ELMO1: variants seen among roughly 807,000 people sequenced by gnomAD.
The protein encoded by ELMO1 is engulfment and cell motility protein 1.
A neutral mutation model predicts 98.9 loss-of-function variants in ELMO1; 26 were observed. That is an observed-to-expected ratio of 0.26 (90% confidence interval 0.19 to 0.36). ELMO1 has a LOEUF of 0.36. ELMO1 is among the 10% of genes least tolerant of loss of function. The pLI is 1.00. For missense variants in ELMO1, 627 were observed against 935.2 expected, an observed-to-expected ratio of 0.67 and a Z score of 4.30; for synonymous variants, 346 against 346.0, an observed-to-expected ratio of 1.00 and a Z score of 0.00.
At chr7:36,910,179 T>G (rs1044933304) in intron 16 of ELMO1, among the ~76,000 whole-genome samples, 17 of 152,228 alleles carry the variant, frequency 1.1e-4, no homozygotes, top group Admixed American at 3.9e-4. Context: ...AGCTGGACTT[T>G]AGAGGTCCGG....
At chr7:36,930,403 A>G (rs1785940238) in intron 16 of ELMO1, among the ~76,000 whole-genome samples, 1 of 152,262 alleles carries the variant, frequency 6.6e-6, no homozygotes, top group Non-Finnish European at 1.5e-5. Flanking sequence ...TAGAAAGTCT[A>G]GCTCCATGCA....
At position 37,401,823 on chromosome 7, in the gene ELMO1, T is replaced by C. The variant is rs116591337; in HGVS notation, c.-74+46852A>G. Among the ~76,000 whole-genome samples, 1,264 of 152,204 alleles carry C rather than the reference T, an allele frequency of 8.3e-3. 26 individuals carry two copies. The highest frequency in any genetic ancestry group is 0.029 in the African/African-American group (1,197 of 41,520). On this transcript the variant is annotated intron_variant, in intron 1 of 21. Transcript: ENST00000310758. ...AGATGAGATTTGGGTGGGCACACAG[T>C]CAAGCCATATGAGAGAGACTCCTTC...
rs920757758 is a variant in ELMO1, at chr7:37,259,359, G to A, written c.244-9C>T. ...TGCTGGGCGTTCTGAGCCTTATGGGGCAAAAGCAAAGGGAAGAGTGTTGAC... is the reference window on the plus strand; with the variant it reads ...TGCTGGGCGTTCTGAGCCTTATGGGACAAAAGCAAAGGGAAGAGTGTTGAC... On this transcript the variant is annotated splice_polypyrimidine_tract_variant and intron_variant, in intron 5 of 21. Transcript: ENST00000310758. The A allele has an allele frequency of 1.2e-6, 2 of 1,611,420 alleles. No individual in the cohort carries two copies. Among genetic ancestry groups the A allele is most frequent in the Non-Finnish European group, 8.5e-7 (1 of 1,178,386 alleles).
intron 13 of ELMO1, among the ~76,000 whole-genome samples, chr7:37,151,062 G>T (rs542897858): frequency 9.6e-4 from 147 of 152,340 alleles, no homozygotes; most frequent in African/African-American, 3.3e-3. Flanking sequence ...TGCAGTCAGT[G>T]TGAGTGGCCT....
rs763404303 is a variant in ELMO1, at chr7:36,950,735, C to T, written c.1438-55718G>A. On this transcript the variant is annotated intron_variant, in intron 16 of 21. Transcript: ENST00000310758. ...AGAGGGACAGAGCCCTTATGGAGAT[C>T]GAAGCAATGGCTCCTTCATCTCCAT... 5.3e-5 allele frequency among the ~76,000 whole-genome samples: 8 copies of T among 152,170 alleles called. No homozygotes were observed. In the East Asian group the frequency reaches 1.2e-3, roughly 22 times the overall value.
intron 16 of ELMO1, among the ~76,000 whole-genome samples, chr7:36,926,097 A>G (rs59559492): frequency 0.042 from 6,423 of 152,236 alleles, 392 homozygotes; most frequent in African/African-American, 0.13. Flanking sequence ...CTGCAGGGTA[A>G]TATTTTTACC....
At chr7:37,079,625 C>G (rs146296039) in intron 15 of ELMO1, among the ~76,000 whole-genome samples, 110 of 152,258 alleles carry the variant, frequency 7.2e-4, no homozygotes, top group African/African-American at 2.5e-3. Flanking sequence ...TTCAGGTCAC[C>G]CTGACCTCCA....
At chr7:37,352,292 G>A (rs937560730) in intron 1 of ELMO1, among the ~76,000 whole-genome samples, 1 of 152,148 alleles carries the variant, frequency 6.6e-6, no homozygotes, top group East Asian at 1.9e-4. Flanking sequence ...GTTTAATAGA[G>A]ATGAGGTCTC....
At chr7:36,913,094 G>A (rs1229437370) in intron 16 of ELMO1, among the ~76,000 whole-genome samples, 2 of 152,144 alleles carry the variant, frequency 1.3e-5, no homozygotes, top group Non-Finnish European at 2.9e-5. Context: ...ATCAGACAAG[G>A]AACGGTGGAG....
intron 15 of ELMO1, among the ~76,000 whole-genome samples, chr7:37,075,313 ATTT>A (rs750539995): frequency 1.4e-5 from 2 of 138,448 alleles, no homozygotes; most frequent in Non-Finnish European, 1.6e-5. Context: ...CACCCGGCTA[ATTT>A]TTTTTTTTTT....
In ELMO1 at chr7:37,407,069, G is replaced by A. The variant is rs935108186; in HGVS notation, c.-74+41606C>T. Among the ~76,000 whole-genome samples, 4 of 152,118 alleles carry A rather than the reference G, an allele frequency of 2.6e-5. No individual in the cohort carries two copies. The South Asian group carries it at 6.2e-4, about 24-fold the overall frequency. On this transcript the variant is annotated intron_variant, in intron 1 of 21. Transcript: ENST00000310758. ...ACTTACAGCTATACAAAATCTGCAC[G>A]CATGTTTACAGTAGCCTAACATATA...
intron 1 of ELMO1, among the ~76,000 whole-genome samples, chr7:37,384,652 G>A (rs533298545): frequency 6.6e-6 from 1 of 152,072 alleles, no homozygotes; most frequent in Admixed American, 6.5e-5. Flanking sequence ...CCCGGGAGGC[G>A]GAGCTTGCAG....
intron 16 of ELMO1, among the ~76,000 whole-genome samples, chr7:37,004,221 T>C (rs1792888843): frequency 6.6e-6 from 1 of 152,194 alleles, no homozygotes; most frequent in South Asian, 2.1e-4. Context: ...TTCCTTTTAA[T>C]GGGACATATA....
intron 16 of ELMO1, among the ~76,000 whole-genome samples, chr7:36,974,925 A>G (rs759481120): frequency 2.0e-5 from 3 of 151,688 alleles, no homozygotes; most frequent in African/African-American, 7.3e-5. Flanking sequence ...AACGTCTGCA[A>G]CTTCACTCCT....
At chr7:37,049,537 A>G (rs1795986320) in intron 15 of ELMO1, among the ~76,000 whole-genome samples, 1 of 152,056 alleles carries the variant, frequency 6.6e-6, no homozygotes, top group Non-Finnish European at 1.5e-5. Flanking sequence ...AGCCTGCTGT[A>G]TCCTTCTCTC....
rs1789062989 is a variant in ELMO1 at position 37,159,677 on chromosome 7, T to A, written c.1087-26443A>T. Among the ~76,000 whole-genome samples, 3 of 151,884 alleles carry A rather than the reference T, an allele frequency of 2.0e-5. No homozygotes were observed. The South Asian group carries it at 6.2e-4, about 31-fold the overall frequency. On this transcript the variant is annotated intron_variant, in intron 13 of 21. Coordinates refer to ENST00000310758, the MANE Select transcript of ELMO1 (RefSeq NM_014800.11). ...TCATGGCACTGCACTCCGGCCAGGGTGACACAGCGAGACTCTGTCTCAAAA... is the reference window on the plus strand; with the variant it reads ...TCATGGCACTGCACTCCGGCCAGGGAGACACAGCGAGACTCTGTCTCAAAA...
rs573957534 is a variant in ELMO1 at position 37,170,670 on chromosome 7, C to T, written c.1087-37436G>A. ...TGTCACCCAGGCAGGAGTACAGCAG[C>T]GCTGTCTCAGCTCACTGTCTCTGCC... On this transcript the variant is annotated intron_variant, in intron 13 of 21. Transcript: ENST00000310758. Among the ~76,000 whole-genome samples, 56 of 149,660 alleles carry T rather than the reference C, an allele frequency of 3.7e-4. 1 individual carries two copies. The highest frequency in any genetic ancestry group is 1.2e-3 in the African/African-American group (47 of 40,470).
At chr7:37,069,591 A>G (rs907021579) in intron 15 of ELMO1, among the ~76,000 whole-genome samples, 3 of 152,348 alleles carry the variant, frequency 2.0e-5, no homozygotes, top group African/African-American at 7.2e-5. Flanking sequence ...TAAAATTTCT[A>G]AAGTCTCACA....
intron 4 of ELMO1, among the ~76,000 whole-genome samples, chr7:37,305,742 C>T (rs184560773): frequency 6.6e-6 from 1 of 152,322 alleles, no homozygotes; most frequent in East Asian, 1.9e-4. Flanking sequence ...CCAACACCTA[C>T]ATATTATATT....
Sources: gnomAD v4.1 joint callset for allele counts (sites outside exome capture counted in the v4.1 genomes callset) on GRCh38, gnomAD v4.1.1 for gene constraint, MANE v1.5 for transcripts, NCBI Gene and HGNC (gene_info 2026-07-23, HGNC 2026-07-21) for gene names.